Variants in CLOCK observed in about 807,000 individuals in gnomAD.
CLOCK encodes the protein circadian locomoter output cycles protein kaput.
CLOCK carries 43 observed loss-of-function variants against 118.4 expected under a neutral mutation model. That is an observed-to-expected ratio of 0.36 (90% CI 0.28 to 0.47). CLOCK has a LOEUF of 0.47. Ranked by LOEUF, CLOCK falls within the 20% of genes least tolerant of loss-of-function variation. The pLI, the probability that CLOCK is intolerant of heterozygous loss-of-function variation, is 1.00. For synonymous variants in CLOCK, 326 were observed against 339.2 expected, an observed-to-expected ratio of 0.96 and a Z score of 0.43; for missense variants, 846 against 999.9, an observed-to-expected ratio of 0.85 and a Z score of 2.08.
chr4:55,430,816 A>C lies in CLOCK; in HGVS notation c.*4599T>G, dbSNP rs1242492373. The stretch of plus-strand genomic sequence containing the variant: ...AGACCTCTGAAAAATAAACAGGCTC[A>C]TTGGTCTCTTTTGGTGTCCACACAA... On this transcript the variant is annotated 3_prime_UTR_variant, in exon 23 of 23. Transcript: ENST00000513440. The C allele has an allele frequency of 6.6e-6, 1 of 152,212 alleles. No individual in the cohort carries two copies. The highest frequency in any genetic ancestry group is 1.5e-5 in the Non-Finnish European group (1 of 68,030). The allele number at this position is 152,212 out of a possible 1,614,324, so 9.4% of individuals were successfully genotyped here.
intron 3 of CLOCK, among the ~76,000 whole-genome samples, chr4:55,487,491 G>A (rs1230398581): frequency 6.6e-6 from 1 of 152,120 alleles, no homozygotes; most frequent in African/African-American, 2.4e-5. Context: ...TGCCTGAAGA[G>A]TATAAAAACC....
chr4:55,462,884 A>G (rs1725453534), intron 9 of CLOCK, among the ~76,000 whole-genome samples: 1 of 151,786 alleles, frequency 6.6e-6, no homozygotes, highest in Non-Finnish European at 1.5e-5. Context: ...ATTTTTAGAC[A>G]GTATGCTATA....
In CLOCK at chr4:55,479,658, T is replaced by G. The variant is rs1431730935; in HGVS notation, c.89A>C (p.Asp30Ala). Reference sequence around the variant, plus strand: ...AAACTACCTTTTCGCTTTGTCCTTGTCATCTTCTTCCACCAACCCATCAAA... The same window carrying G: ...AAACTACCTTTTCGCTTTGTCCTTGGCATCTTCTTCCACCAACCCATCAAA... ...SIFDGLVEEDDKDKAKRVSRN... is the reference protein window; with the variant it reads ...SIFDGLVEEDAKDKAKRVSRN... The change falls in exon 5 of 23, where the codon GAC becomes GCC. Residue 30 changes from aspartate to alanine, a missense_variant. Coordinates refer to ENST00000513440, the MANE Select transcript of CLOCK (RefSeq NM_004898.4). The G allele has an allele frequency of 6.2e-7, 1 of 1,612,610 alleles. No individual in the cohort carries two copies. The highest frequency in any genetic ancestry group is 8.5e-7 in the Non-Finnish European group (1 of 1,178,968).
intron 7 of CLOCK, among the ~76,000 whole-genome samples, chr4:55,474,452 TC>T (rs1484914866): frequency 6.6e-6 from 1 of 152,162 alleles, no homozygotes; most frequent in Non-Finnish European, 1.5e-5. Context: ...GAGCAAGTGA[TC>T]CGGGAGACCT....
intron 4 of CLOCK, among the ~76,000 whole-genome samples, chr4:55,480,412 A>C (rs1458449630): frequency 6.6e-6 from 1 of 152,114 alleles, no homozygotes; most frequent in Non-Finnish European, 1.5e-5. Context: ...CCACAGGTAC[A>C]TGCCACCATG....
intron 18 of CLOCK, among the ~76,000 whole-genome samples, chr4:55,446,445 C>G (rs1047744483): frequency 1.3e-5 from 2 of 152,038 alleles, no homozygotes; most frequent in Non-Finnish European, 2.9e-5. Flanking sequence ...TCTGTCATCC[C>G]TAGAATGCCC....
chr4:55,514,286 A>G (rs1450648793), intron 1 of CLOCK, among the ~76,000 whole-genome samples: 2 of 152,068 alleles, frequency 1.3e-5, no homozygotes, highest in Non-Finnish European at 2.9e-5. Flanking sequence ...TCTTCCATTC[A>G]TATCCCAATA....
chr4:55,500,275 T>C (rs1728348653), intron 2 of CLOCK, among the ~76,000 whole-genome samples: 1 of 152,220 alleles, frequency 6.6e-6, no homozygotes, highest in Non-Finnish European at 1.5e-5. Flanking sequence ...CTGTTTACTT[T>C]CGAAAGTCTT....
chr4:55,501,325 A>G (rs932419394), intron 2 of CLOCK, among the ~76,000 whole-genome samples: 1 of 143,158 alleles, frequency 7.0e-6, no homozygotes, highest in African/African-American at 2.5e-5. Flanking sequence ...GGGTTTTTTA[A>G]AACAATTATT....
In CLOCK at chr4:55,448,936, TATCA is replaced by T. The variant is rs146812658; in HGVS notation, c.1450-72_1450-69del. ...CATACATGAGTACTTCCAGCAGAAATATCAATATGATATTCGTATTAATAAACTT... is the reference window on the plus strand; with the variant it reads ...CATACATGAGTACTTCCAGCAGAAATATATGATATTCGTATTAATAAACTT... On this transcript the variant is annotated intron_variant, in intron 17 of 22. Coordinates refer to ENST00000513440, the MANE Select transcript of CLOCK (RefSeq NM_004898.4). 6,994 of 1,191,018 alleles carry T rather than the reference TATCA, an allele frequency of 5.9e-3. 296 individuals carry two copies. In the African/African-American group the frequency reaches 0.094, roughly 16 times the overall value. 73.8% of individuals were successfully genotyped at this position (1,191,018 alleles called of 1,614,324 possible).
At chr4:55,477,471 A>C (rs1443567078) in intron 6 of CLOCK, among the ~76,000 whole-genome samples, 2 of 152,114 alleles carry the variant, frequency 1.3e-5, no homozygotes, top group African/African-American at 4.8e-5. Flanking sequence ...GTGCTAAGGA[A>C]GCTGAAAAAA....
At chr4:55,485,076 G>A (rs1727209962) in intron 3 of CLOCK, among the ~76,000 whole-genome samples, 2 of 151,898 alleles carry the variant, frequency 1.3e-5, no homozygotes, top group Non-Finnish European at 2.9e-5. Context: ...TGATTCTCCT[G>A]CCTCAGCCTC....
intron 17 of CLOCK, among the ~76,000 whole-genome samples, chr4:55,449,167 C>T (rs924810823): frequency 1.3e-5 from 1 of 78,582 alleles, no homozygotes; most frequent in Non-Finnish European, 2.5e-5. Flanking sequence ...GAGCTTTCCA[C>T]AATTAAAAAA....
intron 9 of CLOCK, among the ~76,000 whole-genome samples, chr4:55,460,319 T>C (rs1725239976): frequency 6.6e-6 from 1 of 152,208 alleles, no homozygotes; most frequent in African/African-American, 2.4e-5. Context: ...AATCTCTCTC[T>C]CCAACTCTAG....
chr4:55,485,476 A>C (rs1727240820), intron 3 of CLOCK, among the ~76,000 whole-genome samples: 1 of 152,354 alleles, frequency 6.6e-6, no homozygotes, highest in East Asian at 1.9e-4. Context: ...CTTTGTTTGC[A>C]GACTACTGCA....
At chr4:55,510,629 TAA>T (rs3842583) in intron 1 of CLOCK, among the ~76,000 whole-genome samples, 58 of 104,270 alleles carry the variant, frequency 5.6e-4, no homozygotes, top group South Asian at 2.2e-3. Context: ...TCTGTCTTTT[TAA>T]AAAAAAAAAA....
chr4:55,478,789 T>A, intron 6 of CLOCK, 26 bp downstream of exon 6: 3 of 1,606,682 alleles, frequency 1.9e-6, no homozygotes, highest in Non-Finnish European at 2.6e-6. Flanking sequence ...GAGAGTCTGT[T>A]CCATTTTACA....
At chr4:55,480,159 T>C (rs1560446864) in intron 4 of CLOCK, among the ~76,000 whole-genome samples, 1 of 152,258 alleles carries the variant, frequency 6.6e-6, no homozygotes, top group Non-Finnish European at 1.5e-5. Flanking sequence ...TTCATTCATT[T>C]ACTAATTCAT....
chr4:55,544,300 G>C (rs1405389318), intron 1 of CLOCK, among the ~76,000 whole-genome samples: 1 of 151,932 alleles, frequency 6.6e-6, no homozygotes, highest in Non-Finnish European at 1.5e-5. Context: ...AAGTTTACTA[G>C]CACTTTAAGG....
Sources: allele counts gnomAD v4.1 joint callset (sites outside exome capture counted in the v4.1 genomes callset), GRCh38; gene constraint gnomAD v4.1.1; transcripts MANE v1.5; gene names NCBI Gene and HGNC (gene_info 2026-07-23, HGNC 2026-07-21).